Variants in HDAC4 observed in about 807,000 individuals in gnomAD.
HDAC4 encodes the protein histone deacetylase A.
In HDAC4, 16 loss-of-function variants were observed where a neutral mutation model predicts 135.1. The observed-to-expected ratio is 0.12, with a 90% CI of 0.08 to 0.18. The LOEUF (loss-of-function observed/expected upper bound fraction) is 0.18. Ranked by LOEUF, HDAC4 falls within the 10% of genes least tolerant of loss-of-function variation. The probability of loss-of-function intolerance (pLI) is 1.00; values close to 1 mark genes in which losing one functional copy is unlikely to be tolerated. For missense variants in HDAC4, 1,143 were observed against 1,511.8 expected, an observed-to-expected ratio of 0.76 and a Z score of 4.05; for synonymous variants, 685 against 653.4, an observed-to-expected ratio of 1.05 and a Z score of -0.74.
chr2:239,091,992 A>AC (rs1358398937), intron 17 of HDAC4: 1 of 151,452 alleles, frequency 6.6e-6, no homozygotes, highest in Non-Finnish European at 1.5e-5. Flanking sequence ...AATGGCGTGA[A>AC]CCCGGGAGGC....
chr2:239,072,898 G>T (rs577084937), intron 22 of HDAC4, among the ~76,000 whole-genome samples: 25 of 152,352 alleles, frequency 1.6e-4, no homozygotes, highest in African/African-American at 5.8e-4. Context: ...ACCAGGTGAA[G>T]ATCCCGCGGG....
At chr2:239,190,570 G>A (rs185074069) in intron 3 of HDAC4, among the ~76,000 whole-genome samples, 24 of 152,338 alleles carry the variant, frequency 1.6e-4, no homozygotes, top group Admixed American at 1.1e-3. Flanking sequence ...AGAGCCACAA[G>A]AGCGTGTGCC....
chr2:239,210,374 C>T (rs746368599), intron 3 of HDAC4, among the ~76,000 whole-genome samples: 22 of 152,248 alleles, frequency 1.4e-4, no homozygotes, highest in African/African-American at 3.1e-4. Context: ...AGTATGATTT[C>T]GATTATTAAA....
At position 239,230,305 on chromosome 2, in the gene HDAC4, A is replaced by G. The variant is rs1244382655; in HGVS notation, c.94+6288T>C. 2.1e-5 allele frequency among the ~76,000 whole-genome samples: 3 copies of G among 141,256 alleles called. No individual in the cohort carries two copies. The East Asian group carries it at 6.5e-4, about 31-fold the overall frequency. 92.7% of individuals were successfully genotyped at this position (141,256 alleles called of 152,430 possible). A position where few individuals can be genotyped will look rare whatever the true frequency, so the allele number is the denominator to read the frequency against. ...ATTTTTGGTTTACACAAACAGTTTT[A>G]CTTTGATGTCTTTACATTCTACACT... On this transcript the variant is annotated intron_variant, in intron 3 of 26. Coordinates refer to ENST00000543185, the MANE Select transcript of HDAC4 (RefSeq NM_001378414.1).
At chr2:239,391,089 A>T (rs1401218152) in intron 1 of HDAC4, among the ~76,000 whole-genome samples, 1 of 152,142 alleles carries the variant, frequency 6.6e-6, no homozygotes, top group African/African-American at 2.4e-5. Context: ...CCTCGATACG[A>T]ATCACACTGT....
intron 5 of HDAC4, among the ~76,000 whole-genome samples, chr2:239,175,019 G>T (rs2152997175): frequency 6.6e-6 from 1 of 152,318 alleles, no homozygotes; most frequent in Admixed American, 6.5e-5. Flanking sequence ...TGACTCATGG[G>T]CCAGCCCTAC....
At chr2:239,277,745 G>A (rs945876025) in intron 2 of HDAC4, among the ~76,000 whole-genome samples, 20 of 152,192 alleles carry the variant, frequency 1.3e-4, no homozygotes, top group Non-Finnish European at 1.3e-4. Flanking sequence ...GCCCAACAGC[G>A]CTTAGCAAAC....
intron 3 of HDAC4, among the ~76,000 whole-genome samples, chr2:239,229,524 C>T (rs918056002): frequency 6.6e-6 from 1 of 152,182 alleles, no homozygotes; most frequent in African/African-American, 2.4e-5. Context: ...AAGCCAAATA[C>T]GAGTGACCAT....
At chr2:239,096,378 CGACACCTGCAACCT>C (rs1352936927) in intron 16 of HDAC4, among the ~76,000 whole-genome samples, 4 of 132,036 alleles carry the variant, frequency 3.0e-5, no homozygotes, top group African/African-American at 1.1e-4. Flanking sequence ...CAACCCCCCC[CGACACCTGCAACCT>C]CCCCACAGAC....
intron 2 of HDAC4, among the ~76,000 whole-genome samples, chr2:239,256,238 C>T (rs933512388): frequency 6.6e-6 from 1 of 152,190 alleles, no homozygotes; most frequent in Admixed American, 6.5e-5. Flanking sequence ...TTCTAGGAGG[C>T]TTCTTTCTCT....
At chr2:239,229,979 G>A (rs1360774536) in intron 3 of HDAC4, among the ~76,000 whole-genome samples, 10 of 152,174 alleles carry the variant, frequency 6.6e-5, no homozygotes, top group Non-Finnish European at 8.8e-5. Flanking sequence ...TAGGTGGAAG[G>A]AATATATTCT....
At chr2:239,327,052 A>C (rs1164291522) in intron 2 of HDAC4, among the ~76,000 whole-genome samples, 1 of 152,224 alleles carries the variant, frequency 6.6e-6, no homozygotes, top group Admixed American at 6.5e-5. Flanking sequence ...CTGGAAAAAA[A>C]CCCTGACTAG....
At chr2:239,204,668 G>A (rs1047178791) in intron 3 of HDAC4, among the ~76,000 whole-genome samples, 14 of 152,178 alleles carry the variant, frequency 9.2e-5, no homozygotes, top group East Asian at 3.9e-4. Context: ...TGGACCAGGC[G>A]TCCCGGGCCT....
intron 8 of HDAC4, 108 bp downstream of exon 8, chr2:239,144,475 C>G: frequency 2.8e-6 from 4 of 1,408,118 alleles, no homozygotes; most frequent in Non-Finnish European, 4.0e-6. Context: ...GGGTTGACAG[C>G]GTGAGGCAGA....
In HDAC4 at chr2:239,068,841, C is replaced by G. The variant is rs987843725; in HGVS notation, c.2751-234G>C. 6 of 571,594 alleles carry G rather than the reference C, an allele frequency of 1.0e-5. No homozygotes were observed. The African/African-American group carries it at 1.1e-4, about 11-fold the overall frequency. 35.4% of individuals were successfully genotyped at this position (571,594 alleles called of 1,614,324 possible). A position where few individuals can be genotyped will look rare whatever the true frequency, so the allele number is the denominator to read the frequency against. On this transcript the variant is annotated intron_variant, in intron 22 of 26. Transcript: ENST00000543185. The surrounding 1 kb of genome is among the most constrained non-coding windows in gnomAD (Gnocchi z 4.4). ...CATCTTCACAGTGCAAGCCAGCAAG[C>G]CCCACGACACTTGCTTGGTGAGAGG...
intron 22 of HDAC4, among the ~76,000 whole-genome samples, chr2:239,071,215 T>A (rs2034168193): frequency 1.3e-5 from 2 of 151,912 alleles, no homozygotes; most frequent in Admixed American, 6.6e-5. Flanking sequence ...GTCAGGAGTT[T>A]GAGACCAGCC....
At chr2:239,300,022 T>G (rs1419351464) in intron 2 of HDAC4, among the ~76,000 whole-genome samples, 1 of 152,216 alleles carries the variant, frequency 6.6e-6, no homozygotes, top group East Asian at 1.9e-4. Context: ...TCCATGCCAC[T>G]GAGGGCATTT....
intron 12 of HDAC4, among the ~76,000 whole-genome samples, chr2:239,124,588 G>A (rs896612429): frequency 2.3e-4 from 28 of 122,290 alleles, no homozygotes; most frequent in African/African-American, 8.4e-4. Context: ...GCATGTGGCC[G>A]CACGTCATTC....
intron 21 of HDAC4, among the ~76,000 whole-genome samples, chr2:239,081,603 A>C (rs2035334324): frequency 6.6e-6 from 1 of 152,240 alleles, no homozygotes. Context: ...CCAGAGGCAG[A>C]CGGAGCGTCT....
Sources: gnomAD v4.1 joint callset for allele counts (sites outside exome capture counted in the v4.1 genomes callset) on GRCh38, gnomAD v4.1.1 for gene constraint, Gnocchi (gnomAD v3.1) non-coding constraint, MANE v1.5 for transcripts, NCBI Gene and HGNC (gene_info 2026-07-23, HGNC 2026-07-21) for gene names.